Variants in PDE3A observed in about 807,000 individuals in gnomAD.
The protein encoded by PDE3A is cGMP-inhibited 3',5'-cyclic phosphodiesterase 3A.
Under a neutral mutation model 98.3 loss-of-function variants are expected in PDE3A, and 43 were observed. That is an observed-to-expected ratio of 0.44 (90% CI 0.34 to 0.56). The LOEUF (loss-of-function observed/expected upper bound fraction) is 0.56, where lower values mean the gene tolerates loss of function less well. Among genes scored for constraint, PDE3A ranks in the 20% least tolerant of loss-of-function variants. The pLI is 0.01. For synonymous variants in PDE3A, 663 were observed against 567.9 expected (o/e 1.17, Z -2.38); for missense variants, 1,427 against 1,440.7 (o/e 0.99, Z 0.15).
At chr12:20,382,657 G>A (rs1943682625) in intron 1 of PDE3A, among the ~76,000 whole-genome samples, 1 of 152,074 alleles carries the variant, frequency 6.6e-6, no homozygotes, top group African/African-American at 2.4e-5. Flanking sequence ...ACCAAAGCTT[G>A]TAATATATAC....
intron 2 of PDE3A, among the ~76,000 whole-genome samples, chr12:20,602,688 C>T (rs1049302630): frequency 6.6e-6 from 1 of 152,064 alleles, no homozygotes; most frequent in African/African-American, 2.4e-5. Context: ...TCCTACTGTA[C>T]ATACATATTA....
At position 20,561,209 on chromosome 12, in the gene PDE3A, G is replaced by A. The variant is rs374943126; in HGVS notation, c.1011+4499G>A. ...GGAGGCAGAGGCTGCAGTGAGCCAA[G>A]ATTGCGCCGCTGCACTCCAGCCTGG... On this transcript the variant is annotated intron_variant, in intron 2 of 15. Coordinates refer to ENST00000359062, the MANE Select transcript of PDE3A (RefSeq NM_000921.5). Among the ~76,000 whole-genome samples, 15 of 152,092 alleles carry A rather than the reference G, an allele frequency of 9.9e-5. No individual in the cohort carries two copies. The South Asian group carries it at 2.9e-3, about 29-fold the overall frequency.
chr12:20,411,005 C>A (rs993267258), intron 1 of PDE3A, among the ~76,000 whole-genome samples: 13 of 152,194 alleles, frequency 8.5e-5, no homozygotes, highest in Non-Finnish European at 1.8e-4. Flanking sequence ...CAGGCTGGAT[C>A]TCCTTACTTT....
At chr12:20,470,552 G>A (rs774569646) in intron 1 of PDE3A, among the ~76,000 whole-genome samples, 1 of 152,164 alleles carries the variant, frequency 6.6e-6, no homozygotes, top group African/African-American at 2.4e-5. Flanking sequence ...GGTCAGGAAA[G>A]TGTGTTATAA....
intron 1 of PDE3A, among the ~76,000 whole-genome samples, chr12:20,533,606 C>G (rs1021459042): frequency 5.9e-5 from 9 of 151,696 alleles, no homozygotes; most frequent in African/African-American, 1.9e-4. Context: ...CTCAGCCTCC[C>G]GAGTAGCTGG....
intron 1 of PDE3A, among the ~76,000 whole-genome samples, chr12:20,426,246 C>T (rs1009020163): frequency 2.0e-5 from 3 of 152,102 alleles, no homozygotes; most frequent in African/African-American, 7.2e-5. Flanking sequence ...TACTAGAGCT[C>T]ATGGTTGCTG....
intron 1 of PDE3A, among the ~76,000 whole-genome samples, chr12:20,391,888 T>C (rs1384641254): frequency 1.3e-5 from 2 of 151,900 alleles, no homozygotes; most frequent in Non-Finnish European, 2.9e-5. Flanking sequence ...TCACCTCTTT[T>C]GTAGAACAAT....
chr12:20,385,012 A>C (rs1309683040), intron 1 of PDE3A, among the ~76,000 whole-genome samples: 1 of 152,018 alleles, frequency 6.6e-6, no homozygotes, highest in Non-Finnish European at 1.5e-5. Flanking sequence ...GTATTTTTAT[A>C]ATAGAATGAC....
chr12:20,596,620 C>G (rs11045323), intron 2 of PDE3A, among the ~76,000 whole-genome samples: 1 of 151,894 alleles, frequency 6.6e-6, no homozygotes, highest in South Asian at 2.1e-4. Flanking sequence ...TTTTTCCTTC[C>G]GGGGCAAACC....
chr12:20,478,187 G>A (rs760476675), intron 1 of PDE3A, among the ~76,000 whole-genome samples: 2 of 152,118 alleles, frequency 1.3e-5, no homozygotes, highest in African/African-American at 2.4e-5. Context: ...TAGGAATAGG[G>A]ATGGTTTATT....
chr12:20,640,196 A>G (rs1944614113), intron 10 of PDE3A, among the ~76,000 whole-genome samples: 1 of 152,118 alleles, frequency 6.6e-6, no homozygotes. Context: ...TTCTTAGTTC[A>G]TAAAATGAGA....
rs1414252341 is a variant in PDE3A at position 20,468,883 on chromosome 12, AAT to A, written c.961-87776_961-87775del. On this transcript the variant is annotated intron_variant, in intron 1 of 15. Transcript: ENST00000359062. ...TCTGGCAGGAGTTATTTTGTTAAAT[AAT>A]TCTAGAGGAGAGTTTACTAAGTAGC... is the stretch of plus-strand genomic sequence containing the variant. 2.6e-5 allele frequency among the ~76,000 whole-genome samples: 4 copies of A among 152,200 alleles called. No individual in the cohort carries two copies. In the South Asian group the frequency reaches 6.2e-4, roughly 24 times the overall value.
chr12:20,680,773 T>C lies in PDE3A; in HGVS notation c.*502T>C, dbSNP rs1345031170. On this transcript the variant is annotated 3_prime_UTR_variant, in exon 16 of 16. Transcript: ENST00000359062. ...ACTAAGCAGCTTTTGCTCTTAGTAC[T>C]GAGGGATGAAAGTTCCAGAGCATTA... The C allele has an allele frequency of 6.5e-6, 1 of 153,938 alleles. No individual in the cohort carries two copies. Among genetic ancestry groups the C allele is most frequent in the Non-Finnish European group, 1.4e-5 (1 of 69,706 alleles). 9.5% of individuals were successfully genotyped at this position (153,938 alleles called of 1,614,324 possible).
Position 20,488,874 on chromosome 12 carries a change from G to A in PDE3A, c.961-67786G>A, listed in dbSNP as rs562467663. ...GCAGTCTGGGCAAGAGTGAGTCCCT[G>A]TCTCCAAAAAAAAAAAAAAAAGAGA... On this transcript the variant is annotated intron_variant, in intron 1 of 15. Transcript: ENST00000359062. Among the ~76,000 whole-genome samples the A allele has an allele frequency of 1.7e-4, 20 of 115,170 alleles. No individual in the cohort carries two copies. In the South Asian group the frequency reaches 7.4e-3, roughly 43 times the overall value. The allele number at this position is 115,170 out of a possible 152,430, so 75.6% of individuals were successfully genotyped here.
intron 15 of PDE3A, among the ~76,000 whole-genome samples, chr12:20,677,525 T>A (rs897914446): frequency 3.3e-5 from 5 of 152,122 alleles, no homozygotes; most frequent in Non-Finnish European, 5.9e-5. Flanking sequence ...AGTGGCACCA[T>A]CTTGGCTTAC....
rs1942226471 is a variant in PDE3A, at chr12:20,552,154, G to C, written c.961-4506G>C. 6.2e-7 allele frequency: 1 copy of C among 1,613,694 alleles called. No individual in the cohort carries two copies. On this transcript the variant is annotated intron_variant, in intron 1 of 15. Coordinates refer to ENST00000359062, the MANE Select transcript of PDE3A (RefSeq NM_000921.5). The surrounding 1 kb of genome is among the most constrained non-coding windows in gnomAD (Gnocchi z 5.1). The stretch of plus-strand genomic sequence containing the variant: ...ACTCACCAACACCAACAGGGCGCTG[G>C]CTCTCAACTGCTTTGCTCCCATCAA...
intron 3 of PDE3A, among the ~76,000 whole-genome samples, chr12:20,614,519 A>G (rs1048933191): frequency 1.1e-4 from 17 of 152,284 alleles, no homozygotes; most frequent in African/African-American, 3.8e-4. Context: ...TGTGATCTTC[A>G]TAACTTTGTC....
intron 1 of PDE3A, among the ~76,000 whole-genome samples, chr12:20,498,742 CCTAT>C (rs1945970382): frequency 6.6e-6 from 1 of 152,084 alleles, no homozygotes; most frequent in Non-Finnish European, 1.5e-5. Flanking sequence ...ACAGGTAGAA[CCTAT>C]CTCTTACTGG....
At chr12:20,370,769 G>A (rs1943458494) in intron 1 of PDE3A, among the ~76,000 whole-genome samples, 1 of 152,332 alleles carries the variant, frequency 6.6e-6, no homozygotes, top group Non-Finnish European at 1.5e-5. Flanking sequence ...GCTTGAAGGT[G>A]AGGAATTGAT....
Sources: allele counts gnomAD v4.1 joint callset (sites outside exome capture counted in the v4.1 genomes callset), GRCh38; gene constraint gnomAD v4.1.1; non-coding constraint Gnocchi (gnomAD v3.1); transcripts MANE v1.5; gene names NCBI Gene and HGNC (gene_info 2026-07-23, HGNC 2026-07-21).